The following PTPRD variants were observed in gnomAD, a reference collection of about 807,000 sequenced individuals.
PTPRD encodes the protein receptor-type tyrosine-protein phosphatase delta.
PTPRD carries 34 observed loss-of-function variants against 214.5 expected under a neutral mutation model. The observed-to-expected ratio is 0.16, with a 90% CI of 0.12 to 0.21. The LOEUF (loss-of-function observed/expected upper bound fraction) is 0.21. PTPRD is among the 10% of genes least tolerant of loss of function. The pLI is 1.00. For missense variants in PTPRD, 2,545 were observed against 2,398.7 expected (o/e 1.06, Z -1.27); for synonymous variants, 1,128 against 845.7 (o/e 1.33, Z -5.79).
At chr9:10,449,346 T>C (rs975148791) in intron 2 of PTPRD, among the ~76,000 whole-genome samples, 1 of 151,924 alleles carries the variant, frequency 6.6e-6, no homozygotes, top group African/African-American at 2.4e-5. Flanking sequence ...CAGTGCTCAA[T>C]GTCGCCCAGG....
intron 11 of PTPRD, among the ~76,000 whole-genome samples, chr9:8,872,600 A>C (rs2098321746): frequency 1.3e-5 from 2 of 152,202 alleles, no homozygotes; most frequent in Admixed American, 6.5e-5. Context: ...GCGTGATAGA[A>C]CTAGGATAAA....
chr9:8,849,127 T>C (rs1250117699), intron 11 of PTPRD, among the ~76,000 whole-genome samples: 3 of 152,026 alleles, frequency 2.0e-5, no homozygotes, highest in Non-Finnish European at 4.4e-5. Flanking sequence ...TGAATAATTA[T>C]TCTTCACATT....
intron 9 of PTPRD, among the ~76,000 whole-genome samples, chr9:9,378,425 G>T (rs1182703927): frequency 6.6e-6 from 1 of 152,060 alleles, no homozygotes; most frequent in South Asian, 2.1e-4. Context: ...TTCACCTAGT[G>T]AAAGACAACT....
intron 5 of PTPRD, among the ~76,000 whole-genome samples, chr9:9,898,491 C>G (rs1484213684): frequency 6.6e-6 from 1 of 151,962 alleles, no homozygotes; most frequent in South Asian, 2.1e-4. Context: ...AGAAAGATAC[C>G]GCATCAAGGA....
At chr9:9,411,678 A>G (rs1049099021) in intron 8 of PTPRD, among the ~76,000 whole-genome samples, 1 of 152,226 alleles carries the variant, frequency 6.6e-6, no homozygotes, top group Non-Finnish European at 1.5e-5. Context: ...CTAAACAGGC[A>G]ACTTCCATTA....
intron 2 of PTPRD, among the ~76,000 whole-genome samples, chr9:10,477,105 T>C (rs1432574689): frequency 2.0e-5 from 3 of 151,990 alleles, no homozygotes; most frequent in Admixed American, 1.3e-4. Context: ...CAAAAAGCAA[T>C]GGCAACATAA....
chr9:9,382,298 G>T (rs2062558624), intron 9 of PTPRD, among the ~76,000 whole-genome samples: 1 of 151,920 alleles, frequency 6.6e-6, no homozygotes, highest in African/African-American at 2.4e-5. Context: ...TCTTGACATT[G>T]GTTTTGGCAA....
chr9:10,296,906 T>C (rs1172167430), intron 3 of PTPRD, among the ~76,000 whole-genome samples: 4 of 151,986 alleles, frequency 2.6e-5, no homozygotes, highest in East Asian at 3.9e-4. Context: ...ATTCACTAGA[T>C]TTATTGATTT....
chr9:8,478,509 TC>T (rs140265330), intron 30 of PTPRD, among the ~76,000 whole-genome samples: 5,692 of 152,272 alleles, frequency 0.037, 350 homozygotes, highest in African/African-American at 0.13. Flanking sequence ...TAGTTTTTTC[TC>T]CTAGTATAAT....
intron 2 of PTPRD, among the ~76,000 whole-genome samples, chr9:10,445,851 T>A (rs1409091078): frequency 1.3e-5 from 2 of 151,980 alleles, no homozygotes; most frequent in Admixed American, 1.3e-4. Flanking sequence ...AGAAGTTTAG[T>A]GCTAAAAAAA....
chr9:10,602,018 G>C (rs1026013808), intron 2 of PTPRD, among the ~76,000 whole-genome samples: 1 of 151,684 alleles, frequency 6.6e-6, no homozygotes, highest in Non-Finnish European at 1.5e-5. Flanking sequence ...AAGAGATTTG[G>C]TGCTCATGAA....
chr9:10,150,995 G>A (rs757099679), intron 3 of PTPRD, among the ~76,000 whole-genome samples: 10 of 151,274 alleles, frequency 6.6e-5, no homozygotes, highest in Non-Finnish European at 1.5e-4. Flanking sequence ...GAGGTGAGTT[G>A]TGGATATAAA....
chr9:9,298,178 T>C (rs1475282309), intron 9 of PTPRD, among the ~76,000 whole-genome samples: 1 of 151,648 alleles, frequency 6.6e-6, no homozygotes, highest in Admixed American at 6.6e-5. Context: ...TTGATAAATT[T>C]AGTATGAAAC....
At chr9:9,845,197 G>A (rs559921113) in intron 5 of PTPRD, among the ~76,000 whole-genome samples, 20 of 111,652 alleles carry the variant, frequency 1.8e-4, no homozygotes, top group African/African-American at 6.1e-4. Flanking sequence ...TATATATATA[G>A]CTATATATAT....
chr9:8,986,018 T>C (rs2099343254), intron 11 of PTPRD, among the ~76,000 whole-genome samples: 1 of 152,072 alleles, frequency 6.6e-6, no homozygotes, highest in Non-Finnish European at 1.5e-5. Flanking sequence ...TTTACAGTAG[T>C]TGATTTAAAT....
At chr9:10,091,822 A>C (rs2098435130) in intron 3 of PTPRD, among the ~76,000 whole-genome samples, 2 of 151,460 alleles carry the variant, frequency 1.3e-5, no homozygotes, top group African/African-American at 4.8e-5. Flanking sequence ...TTATTAAAAA[A>C]TAGCATCATC....
chr9:8,344,087 TTG>T (rs1276442601), intron 39 of PTPRD, among the ~76,000 whole-genome samples: 4 of 152,060 alleles, frequency 2.6e-5, no homozygotes, highest in Admixed American at 2.6e-4. Context: ...TGGAAAAGAT[TTG>T]TCTTTCTGGG....
chr9:8,505,645 A>AG (rs2097529883), intron 22 of PTPRD, among the ~76,000 whole-genome samples: 1 of 118,784 alleles, frequency 8.4e-6, no homozygotes, highest in Non-Finnish European at 1.9e-5. Flanking sequence ...AAAAAAAAAA[A>AG]GAAGAAGAAG....
At chr9:9,358,509 G>C (rs2054729946) in intron 9 of PTPRD, among the ~76,000 whole-genome samples, 1 of 151,182 alleles carries the variant, frequency 6.6e-6, no homozygotes, top group Non-Finnish European at 1.5e-5. Context: ...ATAATAAAAA[G>C]CTCAGAATTA....
Sources: gnomAD v4.1 joint callset for allele counts (sites outside exome capture counted in the v4.1 genomes callset) on GRCh38, gnomAD v4.1.1 for gene constraint, MANE v1.5 for transcripts, NCBI Gene and HGNC (gene_info 2026-07-23, HGNC 2026-07-21) for gene names.